The following CHIC2 variants were observed in gnomAD, a reference collection of about 807,000 sequenced individuals.
CHIC2 encodes cysteine rich hydrophobic domain 2.
A neutral mutation model predicts 25.9 loss-of-function variants in CHIC2; 14 were observed. That is an observed-to-expected ratio of 0.54 (90% CI 0.36 to 0.85). CHIC2 has a LOEUF of 0.85. Among genes scored for constraint, CHIC2 ranks in the 40% least tolerant of loss-of-function variants. CHIC2 has a pLI of 0.01. For synonymous variants in CHIC2, 70 were observed against 72.0 expected, an observed-to-expected ratio of 0.97 and a Z score of 0.14; for missense variants, 146 against 202.0, an observed-to-expected ratio of 0.72 and a Z score of 1.68.
At chr4:54,039,896 G>A (rs956125299) in intron 3 of CHIC2, among the ~76,000 whole-genome samples, 10 of 152,056 alleles carry the variant, frequency 6.6e-5, no homozygotes, top group African/African-American at 2.2e-4. Context: ...GAAAATAGAT[G>A]AATCTCAAAT....
chr4:54,026,961 T>G (rs552216683), intron 3 of CHIC2, among the ~76,000 whole-genome samples: 1 of 152,328 alleles, frequency 6.6e-6, no homozygotes, highest in Middle Eastern at 3.4e-3. Context: ...GATATTATCC[T>G]GAGACAAATA....
At chr4:54,067,444 C>A (rs1287359447), upstream of CHIC2, among the ~76,000 whole-genome samples, 1 of 151,948 alleles carries the variant, frequency 6.6e-6, no homozygotes, top group Non-Finnish European at 1.5e-5. Flanking sequence ...GAGTTGACAT[C>A]GTAATTCCAA....
At chr4:54,051,491 T>C (rs1334511932) in intron 1 of CHIC2, among the ~76,000 whole-genome samples, 1 of 152,130 alleles carries the variant, frequency 6.6e-6, no homozygotes, top group African/African-American at 2.4e-5. Context: ...GTTGTGCCTG[T>C]CTTTAGGTAC....
At chr4:54,063,738 G>T (rs968215935) in intron 1 of CHIC2, among the ~76,000 whole-genome samples, 1 of 152,240 alleles carries the variant, frequency 6.6e-6, no homozygotes, top group African/African-American at 2.4e-5. Flanking sequence ...GACACGAAAC[G>T]GAGCTTCGCT....
At chr4:54,046,715 T>C (rs1487614021) in intron 3 of CHIC2, among the ~76,000 whole-genome samples, 1 of 152,158 alleles carries the variant, frequency 6.6e-6, no homozygotes, top group African/African-American at 2.4e-5. Flanking sequence ...AACCTAGGCA[T>C]TACCATTCAG....
At chr4:54,040,625 G>A (rs1716541626) in intron 3 of CHIC2, among the ~76,000 whole-genome samples, 1 of 150,008 alleles carries the variant, frequency 6.7e-6, no homozygotes, top group South Asian at 2.1e-4. Flanking sequence ...CACTTGAACC[G>A]GGGAGGTGTA....
At chr4:54,072,565 G>T in the CHIC2 span, among the ~76,000 whole-genome samples, 1 of 152,040 alleles carries the variant, frequency 6.6e-6, no homozygotes, top group Non-Finnish European at 1.5e-5. Context: ...ATAGTATATT[G>T]AGCATATACA....
At chr4:54,069,771 C>T in the CHIC2 span, among the ~76,000 whole-genome samples, 1 of 152,158 alleles carries the variant, frequency 6.6e-6, no homozygotes, top group Non-Finnish European at 1.5e-5. Flanking sequence ...ATCACACAGC[C>T]CAAGCTGACT....
chr4:54,039,053 C>G (rs1716485581), intron 3 of CHIC2, among the ~76,000 whole-genome samples: 1 of 151,656 alleles, frequency 6.6e-6, no homozygotes, highest in Admixed American at 6.6e-5. Flanking sequence ...ACTGGAAAAC[C>G]TAGAAAGTGA....
At chr4:54,084,821 G>A in the CHIC2 span, among the ~76,000 whole-genome samples, 11 of 151,776 alleles carry the variant, frequency 7.2e-5, no homozygotes, top group African/African-American at 1.9e-4. Context: ...TTAGTCAGGC[G>A]TGGTGGTGTA....
intron 3 of CHIC2, among the ~76,000 whole-genome samples, chr4:54,027,185 C>T (rs1308784451): frequency 6.6e-6 from 1 of 152,160 alleles, no homozygotes; most frequent in African/African-American, 2.4e-5. Flanking sequence ...ATATTAAAAA[C>T]TCAGGTCACA....
intron 3 of CHIC2, among the ~76,000 whole-genome samples, chr4:54,044,631 G>A (rs1339393120): frequency 6.6e-6 from 1 of 152,000 alleles, no homozygotes; most frequent in Non-Finnish European, 1.5e-5. Flanking sequence ...CAGAATCTCT[G>A]GGACACATTC....
At chr4:54,080,162 GTA>G in the CHIC2 span, among the ~76,000 whole-genome samples, 10 of 146,496 alleles carry the variant, frequency 6.8e-5, no homozygotes, top group Admixed American at 1.4e-4. Context: ...ATATGTATGT[GTA>G]TATATATATG....
intron 1 of CHIC2, among the ~76,000 whole-genome samples, chr4:54,057,873 C>T (rs1717222211): frequency 6.6e-6 from 1 of 152,168 alleles, no homozygotes; most frequent in Non-Finnish European, 1.5e-5. Flanking sequence ...ACTTTATATG[C>T]AGTTCTAATA....
chr4:54,071,026 T>C, the CHIC2 span, among the ~76,000 whole-genome samples: 1 of 152,168 alleles, frequency 6.6e-6, no homozygotes, highest in African/African-American at 2.4e-5. Flanking sequence ...AGGATTGATG[T>C]ATGTGCAATA....
chr4:54,053,362 A>G (rs1577984916), intron 1 of CHIC2, among the ~76,000 whole-genome samples: 1 of 151,958 alleles, frequency 6.6e-6, no homozygotes, highest in Admixed American at 6.6e-5. Flanking sequence ...TTCGAGACCA[A>G]CCTGGCCAAC....
intron 3 of CHIC2, among the ~76,000 whole-genome samples, chr4:54,042,923 G>A (rs375764410): frequency 6.6e-6 from 1 of 152,106 alleles, no homozygotes. Context: ...CAGAAATCAA[G>A]GGACAAAGAG....
intron 1 of CHIC2, among the ~76,000 whole-genome samples, chr4:54,063,199 G>C (rs946621322): frequency 6.6e-6 from 1 of 152,158 alleles, no homozygotes; most frequent in African/African-American, 2.4e-5. Context: ...TCTCAGACTT[G>C]CTGGCTCTTT....
At chr4:54,070,014 G>A in the CHIC2 span, among the ~76,000 whole-genome samples, 2 of 152,226 alleles carry the variant, frequency 1.3e-5, no homozygotes, top group East Asian at 3.8e-4. Flanking sequence ...AGGGGTCCAT[G>A]GGAGTAGTAA....
Sources: allele counts gnomAD v4.1 joint callset (sites outside exome capture counted in the v4.1 genomes callset), GRCh38; gene constraint gnomAD v4.1.1; transcripts MANE v1.5; gene names NCBI Gene and HGNC (gene_info 2026-07-23, HGNC 2026-07-21).